The following ZDHHC15 variants were observed in gnomAD, a reference collection of about 807,000 sequenced individuals.
ZDHHC15 encodes zDHHC palmitoyltransferase 15.
Under a neutral mutation model 31.7 loss-of-function variants are expected in ZDHHC15, and 19 were observed. The observed-to-expected ratio is 0.60, with a 90% CI of 0.42 to 0.88. ZDHHC15 has a LOEUF of 0.88. ZDHHC15 is among the 40% of genes least tolerant of loss of function. The probability of loss-of-function intolerance (pLI) is 0.00; values close to 1 mark genes in which losing one functional copy is unlikely to be tolerated. For synonymous variants in ZDHHC15, 103 were observed against 90.0 expected, an observed-to-expected ratio of 1.14 and a Z score of -0.82; for missense variants, 209 against 251.2, an observed-to-expected ratio of 0.83 and a Z score of 1.14.
At chrX:75,514,473 G>A (rs371273977) in intron 1 of ZDHHC15, among the ~76,000 whole-genome samples, 2 of 111,898 alleles carry the variant, frequency 1.8e-5, no homozygotes. Context: ...CCCAGCGTGA[G>A]CAACACAGAA....
At chrX:75,415,662 A>G (rs2083541134) in intron 10 of ZDHHC15, among the ~76,000 whole-genome samples, 2 of 112,470 alleles carry the variant, frequency 1.8e-5, no homozygotes, top group Admixed American at 9.4e-5. Context: ...AACACTGCCT[A>G]TCTAACCTGA....
intron 11 of ZDHHC15, 104 bp from the exon 12 acceptor site, chrX:75,373,049 T>TGAA (rs2083018144): frequency 9.0e-6 from 1 of 111,361 alleles, no homozygotes; most frequent in African/African-American, 3.3e-5. Flanking sequence ...ATTACATTTA[T>TGAA]GAAGAGTATA....
chrX:75,398,206 G>A (rs1473300476), intron 10 of ZDHHC15, among the ~76,000 whole-genome samples: 1 of 112,380 alleles, frequency 8.9e-6, no homozygotes, highest in Non-Finnish European at 1.9e-5. Flanking sequence ...CTCCTGGTGG[G>A]AGGGGCGAGC....
chrX:75,456,896 T>A (rs2084232840), intron 3 of ZDHHC15, among the ~76,000 whole-genome samples: 1 of 111,306 alleles, frequency 9.0e-6, no homozygotes. Flanking sequence ...TAAGTGCCAT[T>A]TAAATTCTGT....
At chrX:75,441,486 A>G (rs1386429544) in intron 4 of ZDHHC15, among the ~76,000 whole-genome samples, 1 of 111,755 alleles carries the variant, frequency 8.9e-6, no homozygotes, top group Admixed American at 9.5e-5. Context: ...CATGTTCAGA[A>G]GTGGACTTTC....
In ZDHHC15 at chrX:75,441,772, C is replaced by T. The variant is rs1218244944; in HGVS notation, c.379+9030G>A. 7.3e-5 allele frequency among the ~76,000 whole-genome samples: 8 copies of T among 109,826 alleles called. No individual in the cohort carries two copies. In the South Asian group the frequency reaches 2.8e-3, roughly 38 times the overall value. The stretch of plus-strand genomic sequence containing the variant: ...CCGAGTAGCTGGGATTACAGGCACC[C>T]GCCACTGCGCACGGCTAATTTTTTG... On this transcript the variant is annotated intron_variant, in intron 4 of 11. Coordinates refer to ENST00000373367, the MANE Select transcript of ZDHHC15 (RefSeq NM_144969.3).
chrX:75,506,403 T>A (rs924244739), intron 1 of ZDHHC15, among the ~76,000 whole-genome samples: 3 of 111,832 alleles, frequency 2.7e-5, no homozygotes, highest in South Asian at 3.7e-4. Context: ...CTTCAGGCCT[T>A]TCATCAGTCA....
intron 11 of ZDHHC15, among the ~76,000 whole-genome samples, chrX:75,377,053 T>C (rs1360566495): frequency 8.9e-6 from 1 of 111,790 alleles, no homozygotes; most frequent in Non-Finnish European, 1.9e-5. Context: ...TGCATTCTTC[T>C]ACTGATAGAC....
At chrX:75,423,739 C>T (rs2083678283) in intron 8 of ZDHHC15, among the ~76,000 whole-genome samples, 1 of 107,882 alleles carries the variant, frequency 9.3e-6, no homozygotes, top group Non-Finnish European at 1.9e-5. Flanking sequence ...GATTCTCCTG[C>T]CTTGGCCTTC....
chrX:75,519,982 A>G (rs1031426133), intron 1 of ZDHHC15, among the ~76,000 whole-genome samples: 2 of 112,134 alleles, frequency 1.8e-5, no homozygotes, highest in Non-Finnish European at 3.8e-5. Flanking sequence ...TCTGGCTTGT[A>G]TGTCACAAAG....
Position 75,384,787 on chromosome X carries a change from C to A in ZDHHC15, c.968-5589G>T, listed in dbSNP as rs763164723. On this transcript the variant is annotated intron_variant, in intron 10 of 11. Coordinates refer to ENST00000373367, the MANE Select transcript of ZDHHC15 (RefSeq NM_144969.3). ...CTTTGTGAGAACCAATGGGAAGGAG[C>A]CTGAGCTGCTGGAACCTATTCTCTA... The A allele has an allele frequency of 6.9e-4, 655 of 953,634 alleles. 2 individuals carry two copies. The African/African-American group carries it at 0.011, about 16-fold the overall frequency. The allele number at this position is 953,634 out of a possible 1,213,427, so 78.6% of individuals were successfully genotyped here.
chrX:75,474,806 C>G (rs1357043563), intron 3 of ZDHHC15, among the ~76,000 whole-genome samples: 1 of 109,923 alleles, frequency 9.1e-6, no homozygotes, highest in Admixed American at 9.8e-5. Context: ...GCCTGTAATC[C>G]CAGCACTTTG....
At chrX:75,407,438 G>T (rs1188433041) in intron 10 of ZDHHC15, among the ~76,000 whole-genome samples, 8 of 106,124 alleles carry the variant, frequency 7.5e-5, no homozygotes, top group African/African-American at 2.7e-4. Context: ...CCAGGAGGGA[G>T]GTGGGAGGCA....
intron 4 of ZDHHC15, among the ~76,000 whole-genome samples, chrX:75,443,375 C>T (rs1283139759): frequency 9.0e-6 from 1 of 111,541 alleles, no homozygotes; most frequent in Non-Finnish European, 1.9e-5. Flanking sequence ...GGAAAGCATT[C>T]CCTATTTAAC....
chrX:75,392,644 A>T (rs140998862), intron 10 of ZDHHC15, among the ~76,000 whole-genome samples: 1 of 112,445 alleles, frequency 8.9e-6, no homozygotes, highest in East Asian at 2.8e-4. Flanking sequence ...ATCAATCCCC[A>T]ACCCAAATAC....
At chrX:75,431,686 T>A (rs959001996) in intron 4 of ZDHHC15, among the ~76,000 whole-genome samples, 166 bp from the exon 5 acceptor site, 9 of 111,163 alleles carry the variant, frequency 8.1e-5, no homozygotes, top group African/African-American at 2.6e-4. Context: ...GGGGTATATA[T>A]TTTTTTCCTT....
At chrX:75,502,731 C>T (rs1215856310) in intron 2 of ZDHHC15, among the ~76,000 whole-genome samples, 1 of 110,866 alleles carries the variant, frequency 9.0e-6, no homozygotes, top group Admixed American at 9.7e-5. Flanking sequence ...TCCAGATCAT[C>T]CCAGATTTTT....
At chrX:75,382,641 G>T (rs184999203) in intron 10 of ZDHHC15, among the ~76,000 whole-genome samples, 2 of 111,967 alleles carry the variant, frequency 1.8e-5, no homozygotes, top group African/African-American at 3.3e-5. Context: ...CACGAAGAAA[G>T]AAATTTGGTT....
At chrX:75,437,572 T>G (rs1242230514) in intron 4 of ZDHHC15, among the ~76,000 whole-genome samples, 3 of 102,004 alleles carry the variant, frequency 2.9e-5, no homozygotes, top group Non-Finnish European at 5.9e-5. Context: ...TTACTGAGAA[T>G]GATGATTTCC....
Sources: gnomAD v4.1 joint callset for allele counts (sites outside exome capture counted in the v4.1 genomes callset) on GRCh38, gnomAD v4.1.1 for gene constraint, MANE v1.5 for transcripts, NCBI Gene and HGNC (gene_info 2026-07-23, HGNC 2026-07-21) for gene names.